The following TTLL4 variants were observed in gnomAD, a reference collection of about 807,000 sequenced individuals.
TTLL4 encodes the protein tubulin monoglutamylase TTLL4.
Under a neutral mutation model 122.7 loss-of-function variants are expected in TTLL4, and 85 were observed. The ratio of observed to expected loss-of-function variants is 0.69; its 90% CI spans 0.58 to 0.83. TTLL4 has a LOEUF of 0.83. Ranked by LOEUF, TTLL4 falls within the 40% of genes least tolerant of loss-of-function variation. TTLL4 has a pLI of 0.00. For synonymous variants in TTLL4, 553 were observed against 563.0 expected, an observed-to-expected ratio of 0.98 and a Z score of 0.25; for missense variants, 1,363 against 1,488.6, an observed-to-expected ratio of 0.92 and a Z score of 1.39.
chr2:218,728,606 G>A (rs35354127), intron 2 of TTLL4, among the ~76,000 whole-genome samples: 5,709 of 152,268 alleles, frequency 0.037, 155 homozygotes, highest in Middle Eastern at 0.078. Context: ...CCCTGCTTTG[G>A]AGCACTGCCC....
At chr2:218,746,334 C>A in intron 8 of TTLL4, 103 bp downstream of exon 8, 2 of 1,296,376 alleles carry the variant, frequency 1.5e-6, no homozygotes, top group Admixed American at 1.7e-5. Context: ...GGATGATGAC[C>A]ATGGAGAAGT....
intron 1 of TTLL4, among the ~76,000 whole-genome samples, chr2:218,722,125 TAAA>T (rs1269290307): frequency 6.6e-6 from 1 of 151,876 alleles, no homozygotes; most frequent in Non-Finnish European, 1.5e-5. Flanking sequence ...CTACAAAAAA[TAAA>T]AAAGTTAGCT....
Position 218,740,047 on chromosome 2 carries a change from C to T in TTLL4, c.1488-11C>T, listed in dbSNP as rs1942654085. ...AGTTGACTAGGCTGGGGGCATGATT[C>T]TTTCTTTTAGTTCAGCTACTGACCT... is the stretch of plus-strand genomic sequence containing the variant. On this transcript the variant is annotated splice_polypyrimidine_tract_variant and intron_variant, in intron 3 of 19. Coordinates refer to ENST00000392102, the MANE Select transcript of TTLL4 (RefSeq NM_014640.5). The T allele has an allele frequency of 6.2e-7, 1 of 1,613,082 alleles. No homozygotes were observed. The highest frequency in any genetic ancestry group is 8.5e-7 in the Non-Finnish European group (1 of 1,179,360).
intron 2 of TTLL4, among the ~76,000 whole-genome samples, chr2:218,729,879 C>T (rs916843132): frequency 6.6e-6 from 1 of 151,938 alleles, no homozygotes; most frequent in African/African-American, 2.4e-5. Context: ...CTTCAGCCTC[C>T]TCAGTAGCTG....
Position 218,747,518 on chromosome 2 carries a change from G to T in TTLL4, c.2250-79G>T. On this transcript the variant is annotated intron_variant, in intron 10 of 19. Transcript: ENST00000392102. The surrounding 1 kb of genome is among the most constrained non-coding windows in gnomAD (Gnocchi z 4.7). ...AAGGTCTTTATCTTGGGGACTGTTA[G>T]CTGGCTTTTCCTGTGGCTTGGTTAC... 2 of 1,587,152 alleles carry T rather than the reference G, an allele frequency of 1.3e-6. No homozygotes were observed. Among genetic ancestry groups the T allele is most frequent in the Non-Finnish European group, 1.7e-6 (2 of 1,165,652 alleles).
In TTLL4 at chr2:218,748,830, C is replaced by G. The variant is rs762578653; in HGVS notation, c.2502-6C>G. On this transcript the variant is annotated splice_region_variant and splice_polypyrimidine_tract_variant and intron_variant, in intron 12 of 19. Transcript: ENST00000392102. ...ATTCCTAATACTTCCTCTTCCTCCT[C>G]TGCAGGGCACTGAAGGCTTTGTGGA... 6.2e-7 allele frequency: 1 copy of G among 1,613,630 alleles called. No individual in the cohort carries two copies. Among genetic ancestry groups the G allele is most frequent in the South Asian group, 1.1e-5 (1 of 91,066 alleles).
rs2106453227 is a variant in TTLL4, at chr2:218,747,672, T to C, written c.2325T>C (p.Asp775=). The change falls in exon 11 of 20, where the codon GAT becomes GAC. Residue 775 remains aspartate, a synonymous_variant. Coordinates refer to ENST00000392102, the MANE Select transcript of TTLL4 (RefSeq NM_014640.5). The surrounding 1 kb of genome is among the most constrained non-coding windows in gnomAD (Gnocchi z 4.7). The part of the protein sequence containing the change: ...LRIYVYVTSY[D]PLRIYLFSDG... ...TCTATGTTTATGTCACTTCCTACGA[T>C]CCTCTGCGGATTTACCTCTTTTCAG... is the stretch of plus-strand genomic sequence containing the variant. The C allele has an allele frequency of 3.1e-6, 5 of 1,614,236 alleles. No homozygotes were observed. Among genetic ancestry groups the C allele is most frequent in the East Asian group, 2.2e-5 (1 of 44,884 alleles).
intron 1 of TTLL4, among the ~76,000 whole-genome samples, chr2:218,714,807 C>G (rs576965474): frequency 6.6e-6 from 1 of 152,092 alleles, no homozygotes; most frequent in African/African-American, 2.4e-5. Context: ...TGGGGTCTCA[C>G]TATATTGCCC....
intron 2 of TTLL4, chr2:218,736,493 C>T (rs1208603889): frequency 6.6e-6 from 1 of 152,220 alleles, no homozygotes; most frequent in Admixed American, 6.5e-5. Flanking sequence ...CTGAGATCAG[C>T]CCAAACTTAA....
chr2:218,738,639 G>T lies in TTLL4; in HGVS notation c.963G>T (p.Leu321=). 6.2e-7 allele frequency: 1 copy of T among 1,614,206 alleles called. No individual in the cohort carries two copies. Among genetic ancestry groups the T allele is most frequent in the Non-Finnish European group, 8.5e-7 (1 of 1,180,030 alleles). Residue 321 remains leucine (L), a synonymous_variant, in exon 3 of 20, where the codon CTG becomes CTT. Coordinates refer to ENST00000392102, the MANE Select transcript of TTLL4 (RefSeq NM_014640.5). The part of the protein sequence containing the change: ...AMRAEPLSCA[L]DDSSDSQDPT... ...GGGCAGAGCCACTTTCCTGTGCTCT[G>T]GATGACAGCTCTGATTCCCAGGATC...
chr2:218,756,892 G>A (rs1943163578), downstream of TTLL4, among the ~76,000 whole-genome samples: 1 of 152,178 alleles, frequency 6.6e-6, no homozygotes, highest in African/African-American at 2.4e-5. Context: ...TTGGAATGAT[G>A]AGAAACTCAG....
At position 218,745,226 on chromosome 2, in the gene TTLL4, TGA is replaced by T. The variant is rs1942809697; in HGVS notation, c.1785_1786del (p.Arg595SerfsTer41). Reference protein sequence around the residue: ...PPTIYFGTRDERVEKLPWEQR... With the variant: ...PPTIYFGTRDXRVEKLPWEQR... ...CTACCATCTATTTTGGCACTCGGGA[TGA>T]GAGAGGTAAACCTGGCCAAGTGTCA... is the stretch of plus-strand genomic sequence containing the variant. On this transcript the variant is annotated frameshift_variant, in exon 6 of 20. Coordinates refer to ENST00000392102, the MANE Select transcript of TTLL4 (RefSeq NM_014640.5). LOFTEE classifies it high-confidence loss of function. The T allele has an allele frequency of 6.2e-7, 1 of 1,613,824 alleles. No individual in the cohort carries two copies. Among genetic ancestry groups the T allele is most frequent in the Non-Finnish European group, 8.5e-7 (1 of 1,179,904 alleles).
At chr2:218,758,397 TA>T (rs1383193309), downstream of TTLL4, among the ~76,000 whole-genome samples, 2 of 152,188 alleles carry the variant, frequency 1.3e-5, no homozygotes, top group African/African-American at 4.8e-5. Context: ...TGCCTGATAA[TA>T]TATGATGCAG....
chr2:218,741,647 C>G (rs573956943), intron 5 of TTLL4, among the ~76,000 whole-genome samples: 8 of 152,188 alleles, frequency 5.3e-5, no homozygotes, highest in Non-Finnish European at 8.8e-5. Flanking sequence ...TAAATTGTCA[C>G]TTTCAGCCCA....
At chr2:218,745,871 C>T in intron 7 of TTLL4, 70 bp downstream of exon 7, 2 of 1,370,970 alleles carry the variant, frequency 1.5e-6, no homozygotes, top group Admixed American at 1.9e-5. Flanking sequence ...AGGGGGAGAG[C>T]TCTAGACACC....
At position 218,750,106 on chromosome 2, in the gene TTLL4, A is replaced by G. The variant is rs749737475; in HGVS notation, c.2833A>G (p.Ile945Val). The change falls in exon 15 of 20, where the codon ATC (isoleucine) becomes GTC (valine). Residue 945 changes from isoleucine (I) to valine (V), a missense_variant. Physicochemically the swap from Ile to Val is conservative, Grantham distance 29. Around this residue, in one of 3 missense-constraint regions of TTLL4, gnomAD observed 596 missense variants for 655.8 expected, o/e 0.91. Coordinates refer to ENST00000392102, the MANE Select transcript of TTLL4 (RefSeq NM_014640.5). ...TTTTGTCCTGCCCAATGCAGAGGAT[A>G]TCATTTCCAGCCCCAGCAGCTGCAG... ...AGFVLPNAED[I>V]ISSPSSCSSS... 4 of 1,613,896 alleles carry G rather than the reference A, an allele frequency of 2.5e-6. No individual in the cohort carries two copies. Among genetic ancestry groups the G allele is most frequent in the South Asian group, 2.2e-5 (2 of 91,084 alleles).
At position 218,748,039 on chromosome 2, in the gene TTLL4, T is replaced by C; in HGVS notation, c.2379-66T>C. On this transcript the variant is annotated intron_variant, in intron 11 of 19. Coordinates refer to ENST00000392102, the MANE Select transcript of TTLL4 (RefSeq NM_014640.5). ...TACACCTCTTCAGGATTTGGGGAAA[T>C]GTTTGGCCCCTTCTCCATCTGCTCT... The C allele has an allele frequency of 1.9e-6, 3 of 1,599,300 alleles. No homozygotes were observed. In the South Asian group the frequency reaches 3.3e-5, roughly 18 times the overall value.
intron 2 of TTLL4, among the ~76,000 whole-genome samples, chr2:218,737,147 G>A (rs1942546801): frequency 6.6e-6 from 1 of 152,182 alleles, no homozygotes; most frequent in South Asian, 2.1e-4. Flanking sequence ...ATTGATTTAT[G>A]AGAAGGAAGA....
chr2:218,721,962 TA>T (rs56938021), intron 1 of TTLL4, among the ~76,000 whole-genome samples: 7,436 of 148,898 alleles, frequency 0.05, 530 homozygotes, highest in African/African-American at 0.16. Flanking sequence ...TGTCTCTATT[TA>T]AAAAAAAAAA....
Sources: gnomAD v4.1 joint callset for allele counts (sites outside exome capture counted in the v4.1 genomes callset) on GRCh38, gnomAD v4.1.1 for gene constraint, gnomAD v4.1.1 regional missense constraint, Gnocchi (gnomAD v3.1) non-coding constraint, MANE v1.5 for transcripts, NCBI Gene and HGNC (gene_info 2026-07-23, HGNC 2026-07-21) for gene names.